CACNA1C: variants seen among roughly 807,000 people sequenced by gnomAD.
CACNA1C encodes voltage-dependent L-type calcium channel subunit alpha-1C.
A neutral mutation model predicts 229.0 loss-of-function variants in CACNA1C; 30 were observed. The ratio of observed to expected loss-of-function variants is 0.13; its 90% CI spans 0.10 to 0.18. The LOEUF (loss-of-function observed/expected upper bound fraction) is 0.18, where lower values mean the gene tolerates loss of function less well. Ranked by LOEUF, CACNA1C falls within the 10% of genes least tolerant of loss-of-function variation. The pLI, the probability that CACNA1C is intolerant of heterozygous loss-of-function variation, is 1.00. For missense variants in CACNA1C, 1,658 were observed against 2,845.0 expected (o/e 0.58, Z 9.49); for synonymous variants, 1,114 against 1,132.5 (o/e 0.98, Z 0.33).
chr12:2,282,027 C>A (rs2091434102), intron 3 of CACNA1C, among the ~76,000 whole-genome samples: 1 of 152,002 alleles, frequency 6.6e-6, no homozygotes. Context: ...TATGAATCTT[C>A]TCTTTTTTTG....
intron 1 of CACNA1C, among the ~76,000 whole-genome samples, chr12:2,075,230 A>G (rs139654471): frequency 7.8e-4 from 119 of 152,182 alleles, no homozygotes; most frequent in African/African-American, 2.8e-3. Flanking sequence ...ACAAATAACC[A>G]TTGTTTATGG....
intron 3 of CACNA1C, among the ~76,000 whole-genome samples, chr12:2,302,086 A>G (rs915705086): frequency 7.2e-5 from 11 of 152,222 alleles, no homozygotes; most frequent in Admixed American, 5.9e-4. Context: ...TTTTTGAAAA[A>G]GATACTGCTT....
chr12:2,626,062 A>C (rs2086296850), intron 29 of CACNA1C, among the ~76,000 whole-genome samples: 1 of 152,264 alleles, frequency 6.6e-6, no homozygotes, highest in Non-Finnish European at 1.5e-5. Flanking sequence ...ACCTGCCTGC[A>C]CAACCCGAGG....
At chr12:2,113,116 C>T (rs2082396072) in intron 1 of CACNA1C, among the ~76,000 whole-genome samples, 1 of 152,152 alleles carries the variant, frequency 6.6e-6, no homozygotes, top group African/African-American at 2.4e-5. Flanking sequence ...GGAGGTCAGC[C>T]CCAAGAGGCC....
intron 4 of CACNA1C, among the ~76,000 whole-genome samples, chr12:2,449,822 G>C (rs554888639): frequency 6.6e-6 from 1 of 152,314 alleles, no homozygotes; most frequent in East Asian, 1.9e-4. Flanking sequence ...GTATCACTGA[G>C]CACATTTGGG....
At chr12:2,235,366 G>A (rs929540644) in intron 3 of CACNA1C, among the ~76,000 whole-genome samples, 3 of 152,196 alleles carry the variant, frequency 2.0e-5, no homozygotes, top group African/African-American at 7.2e-5. Context: ...TCTCCCCTCT[G>A]CACCCAGCTC....
chr12:2,444,659 C>G (rs1383536993), intron 3 of CACNA1C, among the ~76,000 whole-genome samples: 1 of 152,174 alleles, frequency 6.6e-6, no homozygotes, highest in Non-Finnish European at 1.5e-5. Flanking sequence ...TCTTCCTCTT[C>G]TTGAAGTCCC....
intron 29 of CACNA1C, among the ~76,000 whole-genome samples, chr12:2,618,357 G>T (rs924773408): frequency 6.6e-6 from 1 of 152,238 alleles, no homozygotes; most frequent in East Asian, 1.9e-4. Flanking sequence ...CTCTGCCCCC[G>T]GGAGGAGGCA....
intron 3 of CACNA1C, among the ~76,000 whole-genome samples, chr12:2,312,690 A>G (rs980903043): frequency 2.6e-5 from 4 of 152,134 alleles, no homozygotes; most frequent in Non-Finnish European, 4.4e-5. Context: ...AGAGAGGGGT[A>G]TGGGAATTTT....
intron 3 of CACNA1C, among the ~76,000 whole-genome samples, chr12:2,253,261 G>C (rs1411841818): frequency 6.6e-6 from 1 of 152,214 alleles, no homozygotes; most frequent in African/African-American, 2.4e-5. Context: ...ATATTAGGAA[G>C]TCCTTCGAAG....
At chr12:2,612,225 G>A (rs1029920250) in intron 29 of CACNA1C, 5 of 533,856 alleles carry the variant, frequency 9.4e-6, no homozygotes, top group Non-Finnish European at 1.7e-5. Flanking sequence ...TCTCAGTGTT[G>A]ACCCTGGCTG....
chr12:2,120,234 T>C, intron 2 of CACNA1C, 91 bp from the exon 3 acceptor site: 3 of 787,322 alleles, frequency 3.8e-6, no homozygotes, highest in East Asian at 2.5e-5. Flanking sequence ...AAAATTCTTA[T>C]GAATCTTTGA....
intron 3 of CACNA1C, among the ~76,000 whole-genome samples, chr12:2,383,301 G>A (rs1029806549): frequency 6.6e-6 from 1 of 152,196 alleles, no homozygotes; most frequent in Non-Finnish European, 1.5e-5. Flanking sequence ...GTCTCGTGGC[G>A]ATGCTTAACC....
intron 8 of CACNA1C, among the ~76,000 whole-genome samples, chr12:2,509,055 G>T (rs1175919820): frequency 1.3e-5 from 2 of 152,232 alleles, no homozygotes; most frequent in African/African-American, 2.4e-5. Flanking sequence ...GGCTTGGGAA[G>T]TGCGCCTCCA....
chr12:2,146,468 G>A (rs1028700503), intron 3 of CACNA1C, among the ~76,000 whole-genome samples: 9 of 151,232 alleles, frequency 6.0e-5, no homozygotes, highest in Non-Finnish European at 1.0e-4. Context: ...TGGTTGAGGA[G>A]TCAGGTTACT....
intron 3 of CACNA1C, among the ~76,000 whole-genome samples, chr12:2,395,171 A>G (rs1392451347): frequency 6.7e-6 from 1 of 149,362 alleles, no homozygotes; most frequent in African/African-American, 2.5e-5. Context: ...GGCAGGAAGC[A>G]CTGTGCCTGC....
At chr12:2,150,001 G>A in intron 3 of CACNA1C, among the ~76,000 whole-genome samples, 1 of 152,170 alleles carries the variant, frequency 6.6e-6, no homozygotes, top group Non-Finnish European at 1.5e-5. Flanking sequence ...GGGTGTCCAG[G>A]CCCAGAGGCA....
At chr12:2,629,128 C>A (rs2153545723) in intron 29 of CACNA1C, among the ~76,000 whole-genome samples, 1 of 152,248 alleles carries the variant, frequency 6.6e-6, no homozygotes, top group Non-Finnish European at 1.5e-5. Flanking sequence ...CTCCAGCCGA[C>A]TAGAATAAAG....
intron 3 of CACNA1C, among the ~76,000 whole-genome samples, chr12:2,143,908 C>A (rs2154197049): frequency 6.6e-6 from 1 of 150,652 alleles, no homozygotes; most frequent in Middle Eastern, 3.4e-3. Flanking sequence ...CTCCACCTCA[C>A]CCCAACACCC....
Sources: allele counts gnomAD v4.1 joint callset (sites outside exome capture counted in the v4.1 genomes callset), GRCh38; gene constraint gnomAD v4.1.1; transcripts MANE v1.5; gene names NCBI Gene and HGNC (gene_info 2026-07-23, HGNC 2026-07-21).